Variants in LRP1B observed in about 807,000 individuals in gnomAD.
The protein encoded by LRP1B is low-density lipoprotein receptor-related protein 1B.
In LRP1B, 217 loss-of-function variants were observed where a neutral mutation model predicts 556.6. The ratio of observed to expected loss-of-function variants is 0.39; its 90% CI spans 0.35 to 0.44. LRP1B has a LOEUF of 0.44. LRP1B is among the 20% of genes least tolerant of loss of function. The pLI is 1.00. For missense variants in LRP1B, 5,053 were observed against 5,620.8 expected (o/e 0.90, Z 3.23); for synonymous variants, 2,047 against 1,865.8 (o/e 1.10, Z -2.50).
intron 2 of LRP1B, among the ~76,000 whole-genome samples, chr2:141,520,981 T>TA (rs1224749594): frequency 6.6e-6 from 1 of 152,066 alleles, no homozygotes; most frequent in Non-Finnish European, 1.5e-5. Context: ...GAGGGGTACT[T>TA]AAAGTGCTAA....
chr2:142,079,567 G>C (rs1031243282), intron 1 of LRP1B, among the ~76,000 whole-genome samples: 3 of 151,638 alleles, frequency 2.0e-5, no homozygotes, highest in Non-Finnish European at 4.4e-5. Flanking sequence ...GAGTGCAGTG[G>C]TGCTATCTTG....
intron 25 of LRP1B, 105 bp from the exon 26 acceptor site, chr2:140,868,368 G>C: frequency 9.5e-7 from 1 of 1,058,114 alleles, no homozygotes; most frequent in East Asian, 2.7e-5. Context: ...TAGGTGATAA[G>C]TCACAAGAGA....
chr2:140,750,098 ACACACACACACACAC>A (rs1328572577), intron 35 of LRP1B, among the ~76,000 whole-genome samples: 4 of 151,950 alleles, frequency 2.6e-5, no homozygotes, highest in Non-Finnish European at 5.9e-5. Context: ...ACACACACAC[ACACACACACACACAC>A]ATTTCAGTAC....
chr2:141,005,474 G>A lies in LRP1B; in HGVS notation c.2381-17C>T, dbSNP rs771168960. Reference sequence around the variant, plus strand: ...TATTGTCACCTGCAAGAGGAAGAAAGCAAATGTGTCAGAGAACTCTGATTC... The same window carrying A: ...TATTGTCACCTGCAAGAGGAAGAAAACAAATGTGTCAGAGAACTCTGATTC... On this transcript the variant is annotated splice_polypyrimidine_tract_variant and intron_variant, in intron 14 of 90. Transcript: ENST00000389484. 6.2e-7 allele frequency: 1 copy of A among 1,607,454 alleles called. No homozygotes were observed. The highest frequency in any genetic ancestry group is 1.3e-5 in the African/African-American group (1 of 74,698).
chr2:141,679,234 T>A (rs1691016641), intron 2 of LRP1B, among the ~76,000 whole-genome samples: 1 of 152,138 alleles, frequency 6.6e-6, no homozygotes, highest in Non-Finnish European at 1.5e-5. Context: ...GACAAGAGCC[T>A]AGCCCCAGCT....
intron 1 of LRP1B, among the ~76,000 whole-genome samples, chr2:141,923,715 A>C (rs569873474): frequency 1.0e-3 from 155 of 151,754 alleles, no homozygotes; most frequent in African/African-American, 3.6e-3. Flanking sequence ...TAAAAAAAAA[A>C]TCCAGAACTC....
At chr2:140,265,669 C>T in intron 86 of LRP1B, among the ~76,000 whole-genome samples, 1 of 152,024 alleles carries the variant, frequency 6.6e-6, no homozygotes, top group East Asian at 1.9e-4. Context: ...TATACTGTAT[C>T]TCTGAAAGCA....
intron 8 of LRP1B, among the ~76,000 whole-genome samples, 189 bp downstream of exon 8, chr2:141,061,862 G>C (rs767716187): frequency 6.6e-6 from 1 of 151,708 alleles, no homozygotes; most frequent in Non-Finnish European, 1.5e-5. Flanking sequence ...AGCAAGAGAG[G>C]CATCTCCAAT....
At chr2:141,419,009 A>G (rs1023753897) in intron 3 of LRP1B, among the ~76,000 whole-genome samples, 1 of 152,016 alleles carries the variant, frequency 6.6e-6, no homozygotes, top group Middle Eastern at 3.2e-3. Flanking sequence ...CTTATTGAAT[A>G]TTACTTTTTT....
intron 77 of LRP1B, among the ~76,000 whole-genome samples, chr2:140,342,635 G>C (rs1214813670): frequency 6.6e-6 from 1 of 151,476 alleles, no homozygotes; most frequent in Non-Finnish European, 1.5e-5. Flanking sequence ...TCCACAAAGA[G>C]ATCCAAAGAA....
intron 1 of LRP1B, among the ~76,000 whole-genome samples, chr2:141,861,870 C>T (rs1260944899): frequency 2.0e-5 from 3 of 151,550 alleles, no homozygotes; most frequent in Admixed American, 6.6e-5. Context: ...GTGGAGGTTA[C>T]AGTGAGCCAA....
In LRP1B at chr2:141,048,164, A is replaced by G. The variant is rs114054506; in HGVS notation, c.1789+822T>C. Among the ~76,000 whole-genome samples, 1,059 of 152,240 alleles carry G rather than the reference A, an allele frequency of 7.0e-3. 15 individuals are homozygous for G. Among genetic ancestry groups the G allele is most frequent in the African/African-American group, 0.025 (1,024 of 41,574 alleles). The stretch of plus-strand genomic sequence containing the variant: ...CCTTCATACAATAAGCACACAATTA[A>G]TGTTCCTCAAATTATGTATTTCTAA... On this transcript the variant is annotated intron_variant, in intron 11 of 90. Coordinates refer to ENST00000389484, the MANE Select transcript of LRP1B (RefSeq NM_018557.3).
At chr2:142,031,330 A>ATTTATTTTTTT in intron 1 of LRP1B, among the ~76,000 whole-genome samples, 1 of 117,050 alleles carries the variant, frequency 8.5e-6, no homozygotes. Context: ...GATTATACTT[A>ATTTATTTTTTT]TTTTTTTTTT....
chr2:142,116,920 G>C (rs982556269), intron 1 of LRP1B, among the ~76,000 whole-genome samples: 1 of 152,096 alleles, frequency 6.6e-6, no homozygotes, highest in Non-Finnish European at 1.5e-5. Context: ...GATCTCATTT[G>C]TATCTCAGTA....
At chr2:141,337,966 G>A (rs1042513102) in intron 3 of LRP1B, among the ~76,000 whole-genome samples, 1 of 152,166 alleles carries the variant, frequency 6.6e-6, no homozygotes, top group African/African-American at 2.4e-5. Context: ...ATGTTATGAA[G>A]TGCTGGGTCT....
intron 3 of LRP1B, among the ~76,000 whole-genome samples, chr2:141,328,134 A>G (rs2714180): frequency 0.59 from 89,513 of 151,814 alleles, 27,460 homozygotes; most frequent in African/African-American, 0.71. Context: ...CCATCTATCT[A>G]TCTGTAATCT....
chr2:141,650,930 G>A (rs890613398), intron 2 of LRP1B, among the ~76,000 whole-genome samples: 2 of 152,062 alleles, frequency 1.3e-5, no homozygotes, highest in South Asian at 4.1e-4. Flanking sequence ...CCAACTACAC[G>A]GATGTCTATT....
At chr2:140,757,911 G>A (rs1015516438) in intron 35 of LRP1B, among the ~76,000 whole-genome samples, 29 of 152,110 alleles carry the variant, frequency 1.9e-4, no homozygotes, top group African/African-American at 7.0e-4. Flanking sequence ...AAAGGGAAAA[G>A]TGGTTGACTT....
At chr2:141,362,614 G>A (rs1220895267) in intron 3 of LRP1B, among the ~76,000 whole-genome samples, 1 of 152,180 alleles carries the variant, frequency 6.6e-6, no homozygotes, top group Non-Finnish European at 1.5e-5. Context: ...ATATGCATAT[G>A]ACATTTCTTT....
Sources: allele counts gnomAD v4.1 joint callset (sites outside exome capture counted in the v4.1 genomes callset), GRCh38; gene constraint gnomAD v4.1.1; transcripts MANE v1.5; gene names NCBI Gene and HGNC (gene_info 2026-07-23, HGNC 2026-07-21).